The following NRG3 variants were observed in gnomAD, a reference collection of about 807,000 sequenced individuals.
NRG3 encodes the protein pro-neuregulin-3, membrane-bound isoform.
Under a neutral mutation model 66.9 loss-of-function variants are expected in NRG3, and 31 were observed. The observed-to-expected ratio is 0.46, with a 90% CI of 0.35 to 0.63. The LOEUF (loss-of-function observed/expected upper bound fraction) is 0.63, where lower values mean the gene tolerates loss of function less well. Ranked by LOEUF, NRG3 falls within the 20% of genes least tolerant of loss-of-function variation. The probability of loss-of-function intolerance (pLI) is 0.00; values close to 1 mark genes in which losing one functional copy is unlikely to be tolerated. For missense variants in NRG3, 910 were observed against 878.9 expected (o/e 1.04, Z -0.45); for synonymous variants, 393 against 359.4 (o/e 1.09, Z -1.06).
rs192115503 is a variant in NRG3, at chr10:82,828,869, A to G, written c.1028-36542A>G. On this transcript the variant is annotated intron_variant, in intron 3 of 8. Coordinates refer to ENST00000372141, the MANE Select transcript of NRG3 (RefSeq NM_001010848.4). ...CTTAGATGATAGTCCTGAAGCTGCT[A>G]TGCTGAACATCTGATGGGAAGTAAA... Among the ~76,000 whole-genome samples, 29 of 152,316 alleles carry G rather than the reference A, an allele frequency of 1.9e-4. 1 individual carries two copies. The East Asian group carries it at 4.4e-3, about 23-fold the overall frequency.
At chr10:82,616,868 T>C (rs970105892) in intron 2 of NRG3, among the ~76,000 whole-genome samples, 23 of 152,186 alleles carry the variant, frequency 1.5e-4, no homozygotes, top group African/African-American at 5.3e-4. Flanking sequence ...GGTACAAATA[T>C]ATTAAATAGA....
At chr10:82,375,200 G>A (rs1366788507) in intron 2 of NRG3, among the ~76,000 whole-genome samples, 2 of 152,110 alleles carry the variant, frequency 1.3e-5, no homozygotes, top group Admixed American at 1.3e-4. Context: ...CACCTCTGCA[G>A]GACTTAAGTT....
chr10:82,014,465 A>C (rs2061704141), intron 1 of NRG3, among the ~76,000 whole-genome samples: 1 of 152,172 alleles, frequency 6.6e-6, no homozygotes, highest in African/African-American at 2.4e-5. Flanking sequence ...TAAAATAGCT[A>C]AACACCATCA....
intron 2 of NRG3, among the ~76,000 whole-genome samples, chr10:82,410,013 C>A (rs973353318): frequency 2.6e-5 from 4 of 152,158 alleles, no homozygotes; most frequent in African/African-American, 9.7e-5. Context: ...CCTGCATGGT[C>A]TTCTGTGACC....
intron 2 of NRG3, among the ~76,000 whole-genome samples, chr10:82,545,006 A>G (rs1371804227): frequency 6.6e-6 from 1 of 152,182 alleles, no homozygotes; most frequent in East Asian, 1.9e-4. Context: ...ATAAAACAGC[A>G]ACTACTTAAG....
intron 1 of NRG3, among the ~76,000 whole-genome samples, chr10:82,049,100 G>A (rs558967260): frequency 6.6e-6 from 1 of 152,000 alleles, no homozygotes. Flanking sequence ...GTTATTCAAA[G>A]TTCATCTGAC....
At chr10:82,378,824 G>A (rs2085428507) in intron 2 of NRG3, among the ~76,000 whole-genome samples, 1 of 152,036 alleles carries the variant, frequency 6.6e-6, no homozygotes, top group African/African-American at 2.4e-5. Context: ...ACCCACCTCG[G>A]CCTCCCAAAG....
At chr10:82,571,005 T>C (rs2045698784) in intron 2 of NRG3, among the ~76,000 whole-genome samples, 1 of 151,626 alleles carries the variant, frequency 6.6e-6, no homozygotes, top group Non-Finnish European at 1.5e-5. Flanking sequence ...TATCTCTAGT[T>C]TATGTGTTGT....
At chr10:82,277,027 G>C (rs185482535) in intron 1 of NRG3, among the ~76,000 whole-genome samples, 4 of 151,926 alleles carry the variant, frequency 2.6e-5, no homozygotes, top group African/African-American at 9.7e-5. Context: ...TATTGAAGAC[G>C]ATGTTACCAT....
At chr10:82,077,069 C>T (rs910777693) in intron 1 of NRG3, among the ~76,000 whole-genome samples, 7 of 152,230 alleles carry the variant, frequency 4.6e-5, no homozygotes, top group Middle Eastern at 3.4e-3. Flanking sequence ...AAAATGATAG[C>T]AAATAACACA....
chr10:82,779,375 T>G (rs1469827559), intron 3 of NRG3, among the ~76,000 whole-genome samples: 1 of 152,134 alleles, frequency 6.6e-6, no homozygotes, highest in Non-Finnish European at 1.5e-5. Context: ...TCGTCTTATC[T>G]CTATGCAGCC....
At chr10:82,525,881 A>C (rs1290245846) in intron 2 of NRG3, among the ~76,000 whole-genome samples, 1 of 151,974 alleles carries the variant, frequency 6.6e-6, no homozygotes, top group African/African-American at 2.4e-5. Flanking sequence ...AAAACTTACA[A>C]AATACAACTT....
chr10:82,622,704 G>C (rs1048468538), intron 2 of NRG3, among the ~76,000 whole-genome samples: 18 of 152,154 alleles, frequency 1.2e-4, no homozygotes, highest in South Asian at 8.3e-4. Context: ...AATCTCAAGG[G>C]TAAACAACTG....
At chr10:82,180,596 TG>T in intron 1 of NRG3, among the ~76,000 whole-genome samples, 1 of 151,968 alleles carries the variant, frequency 6.6e-6, no homozygotes, top group East Asian at 1.9e-4. Context: ...AAATTCCACT[TG>T]GTAAAAAAGT....
At chr10:81,890,565 A>G (rs888430933) in intron 1 of NRG3, among the ~76,000 whole-genome samples, 1 of 152,232 alleles carries the variant, frequency 6.6e-6, no homozygotes, top group African/African-American at 2.4e-5. Context: ...AAATAAATAC[A>G]TAGTGAACAT....
chr10:82,205,715 G>A (rs538758764), intron 1 of NRG3, among the ~76,000 whole-genome samples: 108 of 152,300 alleles, frequency 7.1e-4, no homozygotes, highest in African/African-American at 2.5e-3. Flanking sequence ...GGGAGTTTCA[G>A]TGCAAAGAGG....
chr10:82,506,147 C>A (rs1844653423), intron 2 of NRG3, among the ~76,000 whole-genome samples: 1 of 152,168 alleles, frequency 6.6e-6, no homozygotes, highest in African/African-American at 2.4e-5. Flanking sequence ...ACTCGGGAGA[C>A]TGAGGCAAGA....
At position 82,047,116 on chromosome 10, in the gene NRG3, A is replaced by G. The variant is rs375377808; in HGVS notation, c.823+170953A>G. 9.9e-5 allele frequency among the ~76,000 whole-genome samples: 15 copies of G among 150,986 alleles called. No individual in the cohort carries two copies. In the East Asian group the frequency reaches 1.8e-3, roughly 18 times the overall value. ...GTTAGGGAGGATTCCCTCTTTTTCT[A>G]TTGATTGGAATAGTTTCAGAAGGAA... On this transcript the variant is annotated intron_variant, in intron 1 of 8. Transcript: ENST00000372141.
intron 3 of NRG3, among the ~76,000 whole-genome samples, chr10:82,803,379 T>C (rs976717406): frequency 2.0e-5 from 3 of 152,200 alleles, no homozygotes; most frequent in African/African-American, 4.8e-5. Context: ...ACAGAATAGA[T>C]AGGGAAATCT....
Sources: gnomAD v4.1 joint callset for allele counts (sites outside exome capture counted in the v4.1 genomes callset) on GRCh38, gnomAD v4.1.1 for gene constraint, MANE v1.5 for transcripts, NCBI Gene and HGNC (gene_info 2026-07-23, HGNC 2026-07-21) for gene names.